The following ZNF652 variants were observed in gnomAD, a reference collection of about 807,000 sequenced individuals.
ZNF652 encodes zinc finger protein 652.
ZNF652 carries 16 observed loss-of-function variants against 45.2 expected under a neutral mutation model. That is an observed-to-expected ratio of 0.35 (90% confidence interval 0.24 to 0.54). The LOEUF is 0.54. ZNF652 is among the 20% of genes least tolerant of loss of function. ZNF652 has a pLI of 0.91. For missense variants in ZNF652, 614 were observed against 765.6 expected (o/e 0.80, Z 2.34); for synonymous variants, 250 against 260.6 (o/e 0.96, Z 0.39).
chr17:49,303,247 C>CT (rs779042339), intron 5 of ZNF652, among the ~76,000 whole-genome samples: 47 of 121,744 alleles, frequency 3.9e-4, no homozygotes, highest in South Asian at 8.9e-4. Flanking sequence ...TTACGCTTAT[C>CT]TTTTTTTTTT....
rs72835495 is a variant in ZNF652, at chr17:49,347,736, T to G, written c.-259+14173A>C. ...GCCTGCAAGAAAAATTGAACCTTGG[T>G]TTTGTTTTTTTTTTTTTTTTTTTTT... On this transcript the variant is annotated intron_variant, in intron 1 of 5. Transcript: ENST00000430262. Among the ~76,000 whole-genome samples the G allele has an allele frequency of 1.8e-3, 44 of 24,292 alleles. 8 individuals carry two copies. Among genetic ancestry groups the G allele is most frequent in the Admixed American group, 3.6e-3 (10 of 2,746 alleles). The allele number at this position is 24,292 out of a possible 152,430, so 15.9% of individuals were successfully genotyped here.
intron 1 of ZNF652, among the ~76,000 whole-genome samples, chr17:49,320,586 G>T (rs2069876345): frequency 6.6e-6 from 1 of 152,088 alleles, no homozygotes; most frequent in Non-Finnish European, 1.5e-5. Flanking sequence ...CCAGTTTCAT[G>T]CCTCATATTT....
At chr17:49,299,021 G>C in intron 5 of ZNF652, 97 bp from the exon 6 acceptor site, 5 of 1,307,356 alleles carry the variant, frequency 3.8e-6, no homozygotes, top group Non-Finnish European at 5.1e-6. Context: ...TCACTATGTT[G>C]ATCAGGCTGG....
intron 1 of ZNF652, among the ~76,000 whole-genome samples, chr17:49,350,074 G>T (rs2070253842): frequency 6.6e-6 from 1 of 152,150 alleles, no homozygotes; most frequent in Non-Finnish European, 1.5e-5. Flanking sequence ...AATGAAATCT[G>T]AATTAAATAC....
At chr17:49,316,802 T>C (rs2069810592) in intron 2 of ZNF652, 24 bp downstream of exon 2, 1 of 1,582,882 alleles carries the variant, frequency 6.3e-7, no homozygotes, top group African/African-American at 1.4e-5. Flanking sequence ...CTGAAAAGTT[T>C]TCCCTCTCGG....
At chr17:49,309,601 T>G (rs2143757035) in intron 5 of ZNF652, among the ~76,000 whole-genome samples, 1 of 151,844 alleles carries the variant, frequency 6.6e-6, no homozygotes, top group East Asian at 1.9e-4. Flanking sequence ...CAAAAAAACC[T>G]GAACCCTAAA....
At chr17:49,300,661 C>G (rs2069540271) in intron 5 of ZNF652, among the ~76,000 whole-genome samples, 1 of 152,122 alleles carries the variant, frequency 6.6e-6, no homozygotes, top group Non-Finnish European at 1.5e-5. Context: ...CATCAGTCCT[C>G]CATATCTATA....
intron 2 of ZNF652, among the ~76,000 whole-genome samples, chr17:49,313,785 C>T (rs528474898): frequency 6.6e-5 from 10 of 151,106 alleles, no homozygotes; most frequent in Non-Finnish European, 1.5e-4. Context: ...CCAGCCTGAC[C>T]AACATGGAGA....
chr17:49,306,374 A>G (rs1221464693), intron 5 of ZNF652, among the ~76,000 whole-genome samples: 1 of 152,214 alleles, frequency 6.6e-6, no homozygotes, highest in Non-Finnish European at 1.5e-5. Context: ...ATAAGAAATC[A>G]TTTCTCACCT....
intron 2 of ZNF652, among the ~76,000 whole-genome samples, chr17:49,313,566 G>T (rs543628596): frequency 5.2e-4 from 79 of 152,094 alleles, no homozygotes; most frequent in African/African-American, 1.6e-3. Flanking sequence ...TTTTACCAGA[G>T]AATATAAACT....
chr17:49,288,488 T>C (rs1418172739), downstream of ZNF652: 1 of 152,186 alleles, frequency 6.6e-6, no homozygotes, highest in Admixed American at 6.6e-5. Context: ...GGAAGGCTTA[T>C]TATGACAGAA....
chr17:49,360,144 T>C (rs2070377677), intron 1 of ZNF652, among the ~76,000 whole-genome samples: 1 of 152,334 alleles, frequency 6.6e-6, no homozygotes, highest in African/African-American at 2.4e-5. Flanking sequence ...GAGGAAATGA[T>C]AATTTACAAA....
intron 1 of ZNF652, among the ~76,000 whole-genome samples, chr17:49,319,963 C>G (rs563702820): frequency 6.6e-6 from 1 of 152,234 alleles, no homozygotes; most frequent in South Asian, 2.1e-4. Context: ...GTCCCATTTC[C>G]TGGAGGCAAT....
rs1456618659 is a variant in ZNF652, at chr17:49,298,710, A to T, written c.1524T>A (p.Leu508=). Residue 508 remains leucine (L), a synonymous_variant, in exon 6 of 6, where the codon CTT becomes CTA. Transcript: ENST00000430262. ...GAACTGGGGTGGCTGGGGAAGTTGT[A>T]AGTGGGATCTGGACAGCAGGTGGCA... is the stretch of plus-strand genomic sequence containing the variant. ...VNVPPAVQIP[L]TTSPATPVPS... is the part of the protein sequence containing the mutation. The T allele has an allele frequency of 2.5e-6, 4 of 1,613,978 alleles. No homozygotes were observed. Among genetic ancestry groups the T allele is most frequent in the Non-Finnish European group, 3.4e-6 (4 of 1,180,002 alleles).
At position 49,321,116 on chromosome 17, in the gene ZNF652, G is replaced by A. The variant is rs184645159; in HGVS notation, c.-258-3133C>T. The stretch of plus-strand genomic sequence containing the variant: ...AGCATATTATGAGAAGTGACAGAGA[G>A]AGGCAGGGCATTTACTAACCAATAT... On this transcript the variant is annotated intron_variant, in intron 1 of 5. Transcript: ENST00000430262. 4.8e-3 allele frequency among the ~76,000 whole-genome samples: 729 copies of A among 152,342 alleles called. 8 individuals carry two copies. The highest frequency in any genetic ancestry group is 0.017 in the African/African-American group (704 of 41,574).
intron 1 of ZNF652, among the ~76,000 whole-genome samples, chr17:49,348,430 G>A (rs1440579108): frequency 6.7e-6 from 1 of 149,126 alleles, no homozygotes; most frequent in African/African-American, 2.5e-5. Context: ...AGGTTACAGT[G>A]AGCCAAGACT....
chr17:49,288,190 T>TA (rs141475659), downstream of ZNF652, among the ~76,000 whole-genome samples: 1,063 of 152,150 alleles, frequency 7.0e-3, 9 homozygotes, highest in African/African-American at 0.024. Context: ...AAAGTAGTGG[T>TA]AAAAATATTT....
In ZNF652 at chr17:49,348,290, A is replaced by C. The variant is rs975037397; in HGVS notation, c.-259+13619T>G. ...AGAATCTCTTGAGATCAAGAGTTCA[A>C]GACCAGCCTGGGCAACATAGTGAGA... On this transcript the variant is annotated intron_variant, in intron 1 of 5. Coordinates refer to ENST00000430262, the MANE Select transcript of ZNF652 (RefSeq NM_001145365.3). Among the ~76,000 whole-genome samples, 24 of 152,004 alleles carry C rather than the reference A, an allele frequency of 1.6e-4. No homozygotes were observed. In the East Asian group the frequency reaches 4.5e-3, roughly 28 times the overall value.
At position 49,361,967 on chromosome 17, in the gene ZNF652, C is replaced by A. The variant is rs553546234; in HGVS notation, c.-317G>T. ...CCGCCGCCTCGGCGGTCCATCCCTG[C>A]GGCGGGGGCCTGCAGCCGCGGCGCT... On this transcript the variant is annotated 5_prime_UTR_variant, in exon 1 of 6. Coordinates refer to ENST00000430262, the MANE Select transcript of ZNF652 (RefSeq NM_001145365.3). 1.2e-4 allele frequency: 18 copies of A among 150,176 alleles called. No individual in the cohort carries two copies. In the East Asian group the frequency reaches 3.3e-3, roughly 28 times the overall value. 9.3% of individuals were successfully genotyped at this position (150,176 alleles called of 1,614,324 possible).
Sources: allele counts gnomAD v4.1 joint callset (sites outside exome capture counted in the v4.1 genomes callset), GRCh38; gene constraint gnomAD v4.1.1; transcripts MANE v1.5; gene names NCBI Gene and HGNC (gene_info 2026-07-23, HGNC 2026-07-21).